Variants in LIN7A observed in about 807,000 individuals in gnomAD.
LIN7A encodes the protein lin-7 cell polarity scaffold A.
A neutral mutation model predicts 29.8 loss-of-function variants in LIN7A; 25 were observed. The observed-to-expected ratio is 0.84, with a 90% CI of 0.61 to 1.17. The LOEUF is 1.17. LIN7A is among the 50% of genes most tolerant of loss of function. LIN7A has a pLI of 0.00. For synonymous variants in LIN7A, 118 were observed against 107.5 expected (o/e 1.10, Z -0.60); for missense variants, 239 against 287.0 (o/e 0.83, Z 1.21).
At chr12:80,807,063 G>GTTTTTTTTTGTTTTTTTTTGTTTTTT (rs374349839) in intron 5 of LIN7A, among the ~76,000 whole-genome samples, 2 of 53,592 alleles carry the variant, frequency 3.7e-5, no homozygotes, top group East Asian at 5.3e-4. Flanking sequence ...TGAAGATGGA[G>GTTTTTTTTTGTTTTTTTTTGTTTTTT]TTTTTTTTTT....
At chr12:80,897,504 T>G (rs1301538360) in intron 1 of LIN7A, among the ~76,000 whole-genome samples, 4 of 152,144 alleles carry the variant, frequency 2.6e-5, no homozygotes, top group Admixed American at 2.6e-4. Context: ...TCGTGACAAT[T>G]GCAGACACCT....
At position 80,841,395 on chromosome 12, in the gene LIN7A, GGAAGGAAGGA is replaced by G. The variant is rs1192344170; in HGVS notation, c.483+4325_483+4334del. On this transcript the variant is annotated intron_variant, in intron 4 of 5. Transcript: ENST00000552864. ...AGGAAGGAAGGAAGGAAGGAAGGAA[GGAAGGAAGGA>G]AGGAGGGAAAGAAAGTACGAACAGC... 1.1e-3 allele frequency among the ~76,000 whole-genome samples: 154 copies of G among 144,884 alleles called. 2 individuals are homozygous for G. Among genetic ancestry groups the G allele is most frequent in the African/African-American group, 3.7e-3 (143 of 38,622 alleles).
intron 1 of LIN7A, among the ~76,000 whole-genome samples, chr12:80,911,374 C>T (rs959068834): frequency 6.7e-6 from 1 of 149,516 alleles, no homozygotes; most frequent in Admixed American, 6.7e-5. Flanking sequence ...CTTCAGGCTA[C>T]TGGCAGCTGG....
intron 2 of LIN7A, among the ~76,000 whole-genome samples, chr12:80,866,967 T>A (rs1300683083): frequency 3.9e-5 from 6 of 152,116 alleles, no homozygotes; most frequent in South Asian, 2.1e-4. Context: ...CTCTTTTTTT[T>A]ATTTTTATTT....
intron 1 of LIN7A, among the ~76,000 whole-genome samples, chr12:80,932,818 T>A (rs956244215): frequency 6.6e-6 from 1 of 152,224 alleles, no homozygotes; most frequent in African/African-American, 2.4e-5. Flanking sequence ...CATTTCTATG[T>A]TCTTTAATAT....
chr12:80,808,515 T>C (rs1004836832), intron 5 of LIN7A, among the ~76,000 whole-genome samples: 22 of 150,560 alleles, frequency 1.5e-4, no homozygotes, highest in Non-Finnish European at 3.1e-4. Flanking sequence ...TTCTTTTTTT[T>C]TTTTTTTTGA....
chr12:80,887,726 C>T (rs1875406807), intron 2 of LIN7A, among the ~76,000 whole-genome samples: 1 of 152,076 alleles, frequency 6.6e-6, no homozygotes, highest in Admixed American at 6.6e-5. Context: ...TCATAGTTTT[C>T]TCCCACTAGA....
chr12:80,868,627 G>A (rs915545858), intron 2 of LIN7A, among the ~76,000 whole-genome samples: 2 of 152,046 alleles, frequency 1.3e-5, no homozygotes, highest in African/African-American at 2.4e-5. Flanking sequence ...AGAAACTGCA[G>A]GACTTAAATC....
chr12:80,830,631 T>C lies in LIN7A; in HGVS notation c.483+15099A>G, dbSNP rs987527290. On this transcript the variant is annotated intron_variant, in intron 4 of 5. Coordinates refer to ENST00000552864, the MANE Select transcript of LIN7A (RefSeq NM_004664.4). Reference sequence around the variant, plus strand: ...AGTAGAAGATATATTTTTTAAAAGTTGATTTTTTTTAATTAGAAAAAAACT... The same window carrying C: ...AGTAGAAGATATATTTTTTAAAAGTCGATTTTTTTTAATTAGAAAAAAACT... Among the ~76,000 whole-genome samples, 35 of 152,318 alleles carry C rather than the reference T, an allele frequency of 2.3e-4. 1 individual carries two copies. The highest frequency in any genetic ancestry group is 2.1e-4 in the South Asian group (1 of 4,816).
chr12:80,854,172 A>G (rs1873474825), intron 2 of LIN7A, among the ~76,000 whole-genome samples: 2 of 152,232 alleles, frequency 1.3e-5, no homozygotes, highest in South Asian at 4.1e-4. Flanking sequence ...AAATACTTAT[A>G]GCAACTTTAT....
intron 1 of LIN7A, among the ~76,000 whole-genome samples, chr12:80,896,540 G>T (rs1374282881): frequency 3.3e-5 from 5 of 152,184 alleles, no homozygotes; most frequent in Admixed American, 1.3e-4. Flanking sequence ...GACAATCGAT[G>T]TGTCCTACTC....
At chr12:80,890,549 A>G (rs1875569025) in intron 1 of LIN7A, among the ~76,000 whole-genome samples, 1 of 152,200 alleles carries the variant, frequency 6.6e-6, no homozygotes, top group African/African-American at 2.4e-5. Flanking sequence ...GCACCTCAGA[A>G]TCTGGGTGGG....
At chr12:80,932,712 A>G (rs1008031692) in intron 1 of LIN7A, among the ~76,000 whole-genome samples, 2 of 152,214 alleles carry the variant, frequency 1.3e-5, no homozygotes, top group East Asian at 1.9e-4. Context: ...GTTATTTTGT[A>G]TTATCTTCTC....
At chr12:80,850,713 G>A (rs1873288440) in intron 2 of LIN7A, among the ~76,000 whole-genome samples, 1 of 152,148 alleles carries the variant, frequency 6.6e-6, no homozygotes, top group Non-Finnish European at 1.5e-5. Context: ...GAGAAATCCT[G>A]ATCTAAGGAA....
intron 4 of LIN7A, among the ~76,000 whole-genome samples, chr12:80,822,038 C>A (rs547099052): frequency 6.6e-6 from 1 of 152,122 alleles, no homozygotes; most frequent in African/African-American, 2.4e-5. Flanking sequence ...AGTATTAGTC[C>A]GTTTTCACAC....
chr12:80,893,547 C>A (rs1385872585), intron 1 of LIN7A, among the ~76,000 whole-genome samples: 1 of 152,118 alleles, frequency 6.6e-6, no homozygotes, highest in Non-Finnish European at 1.5e-5. Context: ...CAGGCCTTTC[C>A]CAGTCCTCAT....
At chr12:80,916,591 T>G (rs919612889) in intron 1 of LIN7A, among the ~76,000 whole-genome samples, 7 of 152,200 alleles carry the variant, frequency 4.6e-5, no homozygotes, top group Admixed American at 2.0e-4. Flanking sequence ...CTGTGTCTGT[T>G]GTATTCACTG....
At chr12:80,823,960 A>G (rs1871937390) in intron 4 of LIN7A, among the ~76,000 whole-genome samples, 2 of 152,196 alleles carry the variant, frequency 1.3e-5, no homozygotes, top group African/African-American at 2.4e-5. Context: ...GTCAGACCTC[A>G]CAAAACTAGA....
intron 1 of LIN7A, among the ~76,000 whole-genome samples, chr12:80,929,817 T>A (rs544104941): frequency 6.6e-6 from 1 of 152,294 alleles, no homozygotes; most frequent in African/African-American, 2.4e-5. Context: ...AAAACACCTT[T>A]GTCATCTTTT....
Sources: allele counts gnomAD v4.1 joint callset (sites outside exome capture counted in the v4.1 genomes callset), GRCh38; gene constraint gnomAD v4.1.1; transcripts MANE v1.5; gene names NCBI Gene and HGNC (gene_info 2026-07-23, HGNC 2026-07-21).